The following SDK1 variants were observed in gnomAD, a reference collection of about 807,000 sequenced individuals.
The protein encoded by SDK1 is protein sidekick-1.
SDK1 carries 157 observed loss-of-function variants against 245.5 expected under a neutral mutation model. The observed-to-expected ratio is 0.64, with a 90% CI of 0.56 to 0.73. The LOEUF (loss-of-function observed/expected upper bound fraction) is 0.73. SDK1 is among the 30% of genes least tolerant of loss of function. The pLI is 0.00. For missense variants in SDK1, 3,583 were observed against 3,002.3 expected (o/e 1.19, Z -4.52); for synonymous variants, 1,647 against 1,278.5 (o/e 1.29, Z -6.15).
intron 1 of SDK1, among the ~76,000 whole-genome samples, chr7:3,331,395 A>G (rs749395711): frequency 2.0e-5 from 3 of 152,214 alleles, no homozygotes; most frequent in Non-Finnish European, 4.4e-5. Flanking sequence ...CTCAATGGCT[A>G]ATAATGTTGA....
chr7:4,162,366 GTTGTTATTA>G (rs1264097977), intron 32 of SDK1, among the ~76,000 whole-genome samples: 18 of 109,018 alleles, frequency 1.7e-4, no homozygotes, highest in South Asian at 8.3e-4. Flanking sequence ...GGTTGTTGTT[GTTGTTATTA>G]TTATTATTAT....
At chr7:3,573,383 C>G (rs1375862068) in intron 1 of SDK1, among the ~76,000 whole-genome samples, 1 of 152,088 alleles carries the variant, frequency 6.6e-6, no homozygotes, top group African/African-American at 2.4e-5. Context: ...GAGCACCCTT[C>G]TCTGCTGGGC....
intron 1 of SDK1, among the ~76,000 whole-genome samples, chr7:3,572,530 G>C (rs1351602277): frequency 6.6e-6 from 1 of 152,034 alleles, no homozygotes; most frequent in Non-Finnish European, 1.5e-5. Flanking sequence ...AAAGAGCAAA[G>C]ATTAAGTGAG....
intron 5 of SDK1, among the ~76,000 whole-genome samples, chr7:3,848,233 G>C (rs964117931): frequency 6.6e-6 from 1 of 152,200 alleles, no homozygotes; most frequent in Non-Finnish European, 1.5e-5. Flanking sequence ...CTCTTAACGA[G>C]ATGGATTCAG....
intron 5 of SDK1, among the ~76,000 whole-genome samples, chr7:3,941,415 G>A (rs1780363574): frequency 6.6e-6 from 1 of 151,846 alleles, no homozygotes; most frequent in African/African-American, 2.4e-5. Flanking sequence ...TCCTGAGTGT[G>A]GCGCTCCTGC....
chr7:3,828,510 C>T (rs1292793973), intron 5 of SDK1, among the ~76,000 whole-genome samples: 1 of 151,660 alleles, frequency 6.6e-6, no homozygotes, highest in Admixed American at 6.6e-5. Context: ...ACCTATTCAT[C>T]AAAATTTGTA....
intron 1 of SDK1, among the ~76,000 whole-genome samples, chr7:3,308,311 A>G (rs1410530957): frequency 6.6e-6 from 1 of 152,190 alleles, no homozygotes; most frequent in Non-Finnish European, 1.5e-5. Flanking sequence ...GAATGTTTAT[A>G]TTTACTGTAC....
Position 3,967,355 on chromosome 7 carries a change from C to G in SDK1, c.1467C>G (p.Thr489=). ...TGTTCACCCAGCGGCCAGTGGACAC[C>G]ACAGTTACTGACGGGATGACAGCCA... ...APVFTQRPVD[T]TVTDGMTAIL... is the part of the protein sequence containing the mutation. The change falls in exon 10 of 45, where the codon ACC becomes ACG. Residue 489 remains threonine, a synonymous_variant. Transcript: ENST00000404826. The G allele has an allele frequency of 3.7e-6, 6 of 1,614,120 alleles. No individual in the cohort carries two copies. Among genetic ancestry groups the G allele is most frequent in the East Asian group, 2.2e-5 (1 of 44,868 alleles).
chr7:3,585,032 G>A (rs963626711), intron 1 of SDK1, among the ~76,000 whole-genome samples: 2 of 152,140 alleles, frequency 1.3e-5, no homozygotes, highest in Middle Eastern at 3.4e-3. Flanking sequence ...CCAACTTCAC[G>A]TTTTGAGTGA....
chr7:4,268,651 T>C lies in SDK1; in HGVS notation c.*3267T>C, dbSNP rs1322500390. 2.2e-6 allele frequency: 3 copies of C among 1,367,838 alleles called. No homozygotes were observed. The highest frequency in any genetic ancestry group is 1.5e-5 in the African/African-American group (1 of 67,876). 84.7% of individuals were successfully genotyped at this position (1,367,838 alleles called of 1,614,324 possible). A position where few individuals can be genotyped will look rare whatever the true frequency, so the allele number is the denominator to read the frequency against. ...GCCTAATGGTTCGTAGCATGGTTTT[T>C]ATTTCTTACGCATTCTTGGCACACA... On this transcript the variant is annotated 3_prime_UTR_variant, in exon 45 of 45. Transcript: ENST00000404826.
At chr7:3,506,719 C>G (rs1475247022) in intron 1 of SDK1, among the ~76,000 whole-genome samples, 1 of 152,038 alleles carries the variant, frequency 6.6e-6, no homozygotes, top group Admixed American at 6.6e-5. Context: ...TTTTCTTCTC[C>G]TATATTTATA....
At chr7:4,134,389 C>T (rs934437253) in intron 28 of SDK1, among the ~76,000 whole-genome samples, 5 of 152,278 alleles carry the variant, frequency 3.3e-5, no homozygotes, top group South Asian at 2.1e-4. Context: ...CTGGTGCCTG[C>T]GCAGTGAGCC....
At chr7:4,173,272 T>A (rs1390012129) in intron 32 of SDK1, among the ~76,000 whole-genome samples, 1 of 152,182 alleles carries the variant, frequency 6.6e-6, no homozygotes, top group Non-Finnish European at 1.5e-5. Context: ...AGCACCCAGA[T>A]GAGTGCAGAA....
intron 22 of SDK1, among the ~76,000 whole-genome samples, chr7:4,099,275 A>G: frequency 6.6e-6 from 1 of 151,272 alleles, no homozygotes; most frequent in East Asian, 2.0e-4. Context: ...TCGAGAGACA[A>G]ATGGCATTGG....
intron 25 of SDK1, among the ~76,000 whole-genome samples, chr7:4,124,772 A>G (rs1292387135): frequency 1.3e-5 from 2 of 152,186 alleles, no homozygotes; most frequent in Non-Finnish European, 2.9e-5. Flanking sequence ...TAACAGTGCT[A>G]CCCTCTCAGT....
intron 4 of SDK1, among the ~76,000 whole-genome samples, chr7:3,644,198 G>T (rs964227098): frequency 6.7e-6 from 1 of 149,260 alleles, no homozygotes; most frequent in African/African-American, 2.5e-5. Flanking sequence ...CACCACTTAA[G>T]CTTATTTCAC....
At chr7:4,207,742 G>C (rs1784305651) in intron 36 of SDK1, among the ~76,000 whole-genome samples, 1 of 152,102 alleles carries the variant, frequency 6.6e-6, no homozygotes, top group Non-Finnish European at 1.5e-5. Context: ...CACCAACAGA[G>C]CTAGGTCTGC....
At chr7:3,597,999 G>A (rs540345053) in intron 1 of SDK1, among the ~76,000 whole-genome samples, 8 of 152,114 alleles carry the variant, frequency 5.3e-5, no homozygotes, top group Non-Finnish European at 8.8e-5. Flanking sequence ...TTAATTTTAT[G>A]ATAAATTGTA....
chr7:3,302,849 G>C (rs1318902560), intron 1 of SDK1, among the ~76,000 whole-genome samples: 1 of 152,116 alleles, frequency 6.6e-6, no homozygotes, highest in East Asian at 1.9e-4. Flanking sequence ...TCATGGTAAG[G>C]AACTCGATAT....
Sources: allele counts gnomAD v4.1 joint callset (sites outside exome capture counted in the v4.1 genomes callset), GRCh38; gene constraint gnomAD v4.1.1; transcripts MANE v1.5; gene names NCBI Gene and HGNC (gene_info 2026-07-23, HGNC 2026-07-21).